Variants in NWD2 observed in about 807,000 individuals in gnomAD.
NWD2 encodes the protein NACHT and WD repeat domain-containing protein 2.
A neutral mutation model predicts 132.7 loss-of-function variants in NWD2; 37 were observed. The observed-to-expected ratio is 0.28, with a 90% CI of 0.21 to 0.37. NWD2 has a LOEUF of 0.37. Among genes scored for constraint, NWD2 ranks in the 10% least tolerant of loss-of-function variants. The pLI is 1.00. For synonymous variants in NWD2, 705 were observed against 803.0 expected (o/e 0.88, Z 2.06); for missense variants, 1,592 against 2,122.4 (o/e 0.75, Z 4.91).
intron 2 of NWD2, among the ~76,000 whole-genome samples, chr4:37,328,204 C>T (rs990966833): frequency 4.6e-5 from 7 of 152,040 alleles, no homozygotes; most frequent in African/African-American, 1.5e-4. Flanking sequence ...CTTATTGTCC[C>T]TCAGGTCTCC....
intron 1 of NWD2, among the ~76,000 whole-genome samples, chr4:37,284,903 C>T (rs886221072): frequency 6.6e-6 from 1 of 152,100 alleles, no homozygotes. Flanking sequence ...GGGATGCCTC[C>T]GTAGGGTACT....
At chr4:37,327,461 G>C (rs1055296987) in intron 2 of NWD2, among the ~76,000 whole-genome samples, 1 of 152,150 alleles carries the variant, frequency 6.6e-6, no homozygotes, top group Non-Finnish European at 1.5e-5. Flanking sequence ...CTGAGGAGAT[G>C]TTGGACCACA....
chr4:37,258,413 A>C (rs1386362664), intron 1 of NWD2, among the ~76,000 whole-genome samples: 1 of 152,222 alleles, frequency 6.6e-6, no homozygotes, highest in Non-Finnish European at 1.5e-5. Flanking sequence ...AGGTGGTTGC[A>C]GGAGATGGGT....
At chr4:37,301,247 T>C (rs886690109) in intron 1 of NWD2, among the ~76,000 whole-genome samples, 1 of 152,114 alleles carries the variant, frequency 6.6e-6, no homozygotes, top group East Asian at 1.9e-4. Flanking sequence ...CTAAGATCTG[T>C]TGTTTTTAGT....
intron 3 of NWD2, among the ~76,000 whole-genome samples, chr4:37,372,788 A>G (rs1184777738): frequency 6.6e-6 from 1 of 152,160 alleles, no homozygotes; most frequent in East Asian, 1.9e-4. Flanking sequence ...CAGCATAGAA[A>G]GCTCTGTTCA....
intron 1 of NWD2, among the ~76,000 whole-genome samples, chr4:37,271,348 A>T (rs75117448): frequency 6.6e-6 from 1 of 151,864 alleles, no homozygotes; most frequent in Non-Finnish European, 1.5e-5. Context: ...TCCAAATAAT[A>T]TTGAGCCTTT....
At position 37,447,008 on chromosome 4, in the gene NWD2, A is replaced by C; in HGVS notation, c.5020A>C (p.Arg1674=). 1.3e-6 allele frequency: 2 copies of C among 1,551,718 alleles called. No individual in the cohort carries two copies. The highest frequency in any genetic ancestry group is 1.7e-6 in the Non-Finnish European group (2 of 1,146,992). Residue 1674 remains arginine (R), a synonymous_variant, in exon 7 of 7, where the codon AGG becomes CGG. Coordinates refer to ENST00000309447, the MANE Select transcript of NWD2 (RefSeq NM_001144990.2). ...QIFNNATHTS[R]PKCNSYCFKI... ...TTTCAACAATGCAACACACACCTCC[A>C]GGCCAAAGTGTAACAGTTATTGTTT...
intron 2 of NWD2, among the ~76,000 whole-genome samples, chr4:37,340,594 G>A (rs1349465802): frequency 2.0e-5 from 3 of 152,214 alleles, no homozygotes; most frequent in Non-Finnish European, 4.4e-5. Context: ...AAAGGTTGGG[G>A]AGAAGCTCAG....
Position 37,336,910 on chromosome 4 carries a change from G to A in NWD2, c.240+10886G>A, listed in dbSNP as rs28450374. ...GCCGAGATCAAGATCGCACCACTGC[G>A]CTCCAGCCTGGGCAAAAGAGTGAAA... On this transcript the variant is annotated intron_variant, in intron 2 of 6. Coordinates refer to ENST00000309447, the MANE Select transcript of NWD2 (RefSeq NM_001144990.2). Among the ~76,000 whole-genome samples, 732 of 137,958 alleles carry A rather than the reference G, an allele frequency of 5.3e-3. 6 individuals carry two copies. Among genetic ancestry groups the A allele is most frequent in the African/African-American group, 0.018 (684 of 37,430 alleles). The allele number at this position is 137,958 out of a possible 152,430, so 90.5% of individuals were successfully genotyped here. A position where few individuals can be genotyped will look rare whatever the true frequency, so the allele number is the denominator to read the frequency against.
chr4:37,254,103 A>G (rs754942835), intron 1 of NWD2, among the ~76,000 whole-genome samples: 12 of 152,258 alleles, frequency 7.9e-5, no homozygotes, highest in Non-Finnish European at 1.2e-4. Flanking sequence ...AATGGGTAGT[A>G]TGCTTAATAG....
chr4:37,380,505 T>C (rs992978856), intron 3 of NWD2, among the ~76,000 whole-genome samples: 1 of 152,242 alleles, frequency 6.6e-6, no homozygotes, highest in African/African-American at 2.4e-5. Context: ...CTATACAATT[T>C]TTATGAAGAT....
chr4:37,323,537 A>C (rs1409183617), intron 1 of NWD2, among the ~76,000 whole-genome samples: 1 of 152,172 alleles, frequency 6.6e-6, no homozygotes, highest in African/African-American at 2.4e-5. Flanking sequence ...AAGTCCAAAA[A>C]CAACAGGCGC....
intron 3 of NWD2, among the ~76,000 whole-genome samples, chr4:37,380,480 T>A (rs1159956203): frequency 6.6e-6 from 1 of 152,254 alleles, no homozygotes; most frequent in Non-Finnish European, 1.5e-5. Context: ...AAAGTTTGAA[T>A]AATATTAAAA....
intron 1 of NWD2, among the ~76,000 whole-genome samples, chr4:37,301,825 T>C (rs1232831578): frequency 6.6e-6 from 1 of 152,120 alleles, no homozygotes; most frequent in Non-Finnish European, 1.5e-5. Flanking sequence ...GGATCTCACA[T>C]ATGTTGTCTT....
At chr4:37,388,897 C>T (rs1251472882) in intron 3 of NWD2, among the ~76,000 whole-genome samples, 1 of 151,298 alleles carries the variant, frequency 6.6e-6, no homozygotes, top group Non-Finnish European at 1.5e-5. Flanking sequence ...CCTCCTCCAG[C>T]TCCTGATATG....
At chr4:37,369,074 C>T (rs1225171290) in intron 3 of NWD2, among the ~76,000 whole-genome samples, 1 of 152,128 alleles carries the variant, frequency 6.6e-6, no homozygotes, top group Non-Finnish European at 1.5e-5. Context: ...TCTAAGTCAC[C>T]TTAGTCACCT....
At position 37,360,404 on chromosome 4, in the gene NWD2, A is replaced by G. The variant is rs139071996; in HGVS notation, c.357+3922A>G. On this transcript the variant is annotated intron_variant, in intron 3 of 6. Transcript: ENST00000309447. ...CAAGGCTTCATTCAGTCAAATGTTA[A>G]AGGATTTTAATTCATTCTTATGTGT... is the stretch of plus-strand genomic sequence containing the variant. Among the ~76,000 whole-genome samples the G allele has an allele frequency of 4.5e-4, 69 of 152,354 alleles. No homozygotes were observed. The East Asian group carries it at 0.011, about 25-fold the overall frequency.
chr4:37,420,466 A>T (rs532462276), intron 3 of NWD2, among the ~76,000 whole-genome samples: 1 of 152,276 alleles, frequency 6.6e-6, no homozygotes, highest in African/African-American at 2.4e-5. Flanking sequence ...TGGGTGGATC[A>T]CGAGGTCAAG....
chr4:37,365,879 AGTCTCTTT>A (rs1466658449), intron 3 of NWD2, among the ~76,000 whole-genome samples: 17 of 152,242 alleles, frequency 1.1e-4, no homozygotes, highest in Non-Finnish European at 2.5e-4. Context: ...GAGAGTACTC[AGTCTCTTT>A]ATAATTTAAT....
Sources: gnomAD v4.1 joint callset for allele counts (sites outside exome capture counted in the v4.1 genomes callset) on GRCh38, gnomAD v4.1.1 for gene constraint, MANE v1.5 for transcripts, NCBI Gene and HGNC (gene_info 2026-07-23, HGNC 2026-07-21) for gene names.